Variants in BTBD16 observed in about 807,000 individuals in gnomAD.
BTBD16 encodes BTB/POZ domain-containing protein 16.
A neutral mutation model predicts 67.4 loss-of-function variants in BTBD16; 66 were observed. The ratio of observed to expected loss-of-function variants is 0.98; its 90% confidence interval spans 0.80 to 1.20. The LOEUF is 1.20. Among genes scored for constraint, BTBD16 ranks in the 50% most tolerant of loss-of-function variants. The pLI, the probability that BTBD16 is intolerant of heterozygous loss-of-function variation, is 0.00. For synonymous variants in BTBD16, 242 were observed against 236.4 expected, an observed-to-expected ratio of 1.02 and a Z score of -0.22; for missense variants, 634 against 616.0, an observed-to-expected ratio of 1.03 and a Z score of -0.31.
Position 122,299,029 on chromosome 10 carries a change from G to C in BTBD16, c.686G>C (p.Gly229Ala). 1 of 1,613,994 alleles carries C rather than the reference G, an allele frequency of 6.2e-7. No individual in the cohort carries two copies. Among genetic ancestry groups the C allele is most frequent in the Non-Finnish European group, 8.5e-7 (1 of 1,180,000 alleles). ...TACAAGGAAGAGCAGCTCACCACCG[G>C]CTGCGAGAAGTGGCTGGAAATGAAC... is the stretch of plus-strand genomic sequence containing the variant. ...CKYKEEQLTT[G>A]CEKWLEMNLV... Residue 229 changes from glycine to alanine, a missense_variant, in exon 9 of 16, where the codon GGC becomes GCC. Gly to Ala is a moderately conservative substitution (Grantham distance 60, BLOSUM62 0). Coordinates refer to ENST00000260723, the MANE Select transcript of BTBD16 (RefSeq NM_144587.5).
chr10:122,298,846 A>G (rs2096388432), intron 8 of BTBD16, 158 bp from the exon 9 acceptor site: 1 of 489,284 alleles, frequency 2.0e-6, no homozygotes, highest in African/African-American at 2.1e-5. Flanking sequence ...GAAAACACTT[A>G]GAAAAGGTAT....
At position 122,335,230 on chromosome 10, in the gene BTBD16, T is replaced by C. The variant is rs144538712; in HGVS notation, c.1263+251T>C. ...CGTCTTTGTGTTCATATGGACTCTA[T>C]TGGTAAAGTCAGGATTAGATTCTAG... On this transcript the variant is annotated intron_variant, in intron 14 of 15. Coordinates refer to ENST00000260723, the MANE Select transcript of BTBD16 (RefSeq NM_144587.5). Among the ~76,000 whole-genome samples, 419 of 152,344 alleles carry C rather than the reference T, an allele frequency of 2.8e-3. 1 individual carries two copies. Among genetic ancestry groups the C allele is most frequent in the African/African-American group, 9.8e-3 (408 of 41,586 alleles).
intron 14 of BTBD16, among the ~76,000 whole-genome samples, chr10:122,335,698 T>C (rs967659333): frequency 1.3e-5 from 2 of 152,218 alleles, no homozygotes; most frequent in African/African-American, 4.8e-5. Context: ...ATGAGGATGA[T>C]GATGTTGACG....
intron 10 of BTBD16, among the ~76,000 whole-genome samples, chr10:122,319,611 T>G (rs1388089821): frequency 6.6e-6 from 1 of 152,188 alleles, no homozygotes; most frequent in South Asian, 2.1e-4. Context: ...TTATCTTGAT[T>G]AGATAATTCA....
rs2096379196 is a variant in BTBD16 at position 122,294,271 on chromosome 10, T to C, written c.590+3077T>C. On this transcript the variant is annotated intron_variant, in intron 7 of 15. Transcript: ENST00000260723. ...GTGTAACGGAAGTGCCCCAGGTCACTCTGATAGCATCACAACGTTCAGGTG... is the reference window on the plus strand; with the variant it reads ...GTGTAACGGAAGTGCCCCAGGTCACCCTGATAGCATCACAACGTTCAGGTG... The C allele has an allele frequency of 3.2e-6, 3 of 936,006 alleles. No individual in the cohort carries two copies. The African/African-American group carries it at 5.3e-5, about 17-fold the overall frequency. 58.0% of individuals were successfully genotyped at this position (936,006 alleles called of 1,614,324 possible). A position where few individuals can be genotyped will look rare whatever the true frequency, so the allele number is the denominator to read the frequency against.
intron 10 of BTBD16, among the ~76,000 whole-genome samples, chr10:122,328,482 A>C (rs939996138): frequency 1.3e-5 from 2 of 152,224 alleles, no homozygotes; most frequent in African/African-American, 4.8e-5. Flanking sequence ...GGGCGGTCCC[A>C]GGAATTCCCA....
At chr10:122,334,854 C>A in intron 13 of BTBD16, 27 bp from the exon 14 acceptor site, 1 of 1,398,318 alleles carries the variant, frequency 7.2e-7, no homozygotes, top group Non-Finnish European at 1.0e-6. Flanking sequence ...CCCCCCTTCA[C>A]TTTGTTGTTT....
intron 9 of BTBD16, among the ~76,000 whole-genome samples, chr10:122,304,935 C>T (rs534293749): frequency 2.0e-5 from 3 of 152,268 alleles, no homozygotes; most frequent in African/African-American, 7.2e-5. Flanking sequence ...GGAGCTAGGA[C>T]CTGACCCTGC....
In BTBD16 at chr10:122,307,318, C is replaced by G. The variant is rs546224707; in HGVS notation, c.911+10C>G. ...TGACATTTTTTAAGAGGTAATATAA[C>G]TTAGTGTTGATTGATGAAATACACA... On this transcript the variant is annotated intron_variant, in intron 10 of 15. Coordinates refer to ENST00000260723, the MANE Select transcript of BTBD16 (RefSeq NM_144587.5). The G allele has an allele frequency of 1.3e-6, 2 of 1,593,892 alleles. No individual in the cohort carries two copies. Among genetic ancestry groups the G allele is most frequent in the Non-Finnish European group, 1.7e-6 (2 of 1,172,732 alleles).
intron 8 of BTBD16, among the ~76,000 whole-genome samples, 154 bp downstream of exon 8, chr10:122,297,991 T>TG (rs982806815): frequency 2.2e-4 from 30 of 134,178 alleles, no homozygotes; most frequent in Admixed American, 1.3e-3. Flanking sequence ...CATTTGTGTG[T>TG]TTTTTTTTTT....
At chr10:122,324,300 C>G (rs1031180715) in intron 10 of BTBD16, among the ~76,000 whole-genome samples, 4 of 152,174 alleles carry the variant, frequency 2.6e-5, no homozygotes, top group Admixed American at 6.5e-5. Flanking sequence ...CCATTCCCCC[C>G]ACATACTATT....
At chr10:122,332,623 G>A (rs2096457054) in intron 13 of BTBD16, 110 bp downstream of exon 13, 4 of 1,204,724 alleles carry the variant, frequency 3.3e-6, no homozygotes, top group African/African-American at 1.5e-5. Context: ...GAAGGTCAGG[G>A]GTCCAGAAGA....
intron 10 of BTBD16, among the ~76,000 whole-genome samples, chr10:122,321,808 C>T (rs2096435912): frequency 6.6e-6 from 1 of 151,996 alleles, no homozygotes; most frequent in African/African-American, 2.4e-5. Flanking sequence ...GTTTCTTTTG[C>T]TGGGCAGAAG....
At chr10:122,312,959 C>T (rs558434444) in intron 10 of BTBD16, among the ~76,000 whole-genome samples, 2 of 152,350 alleles carry the variant, frequency 1.3e-5, no homozygotes, top group South Asian at 4.1e-4. Flanking sequence ...TCACTGCAAA[C>T]TCTGCCTCTC....
intron 12 of BTBD16, 24 bp from the exon 13 acceptor site, chr10:122,332,412 C>T (rs1223637451): frequency 1.9e-6 from 3 of 1,612,340 alleles, no homozygotes; most frequent in East Asian, 4.5e-5. Context: ...CCACCGTGGT[C>T]AGCTGTGTGC....
intron 10 of BTBD16, among the ~76,000 whole-genome samples, chr10:122,316,136 G>A (rs1163193136): frequency 1.3e-5 from 2 of 152,090 alleles, no homozygotes; most frequent in Non-Finnish European, 2.9e-5. Context: ...GCATGGTGGT[G>A]CACGTCTGTA....
rs190891142 is a variant in BTBD16 at position 122,283,712 on chromosome 10, A to G, written c.168-139A>G. The G allele has an allele frequency of 6.1e-4, 407 of 662,604 alleles. 4 individuals are homozygous for G. In the Middle Eastern group the frequency reaches 8.3e-3, roughly 13 times the overall value. The allele number at this position is 662,604 out of a possible 1,614,324, so 41.0% of individuals were successfully genotyped here. On this transcript the variant is annotated intron_variant, in intron 3 of 15. Coordinates refer to ENST00000260723, the MANE Select transcript of BTBD16 (RefSeq NM_144587.5). Reference sequence around the variant, plus strand: ...CAGATCGGCAAATGGTGACCTGAGGAAACTCTTCCAAAGGGCGAGATATGA... The same window carrying G: ...CAGATCGGCAAATGGTGACCTGAGGGAACTCTTCCAAAGGGCGAGATATGA...
At chr10:122,310,033 A>G (rs562237274) in intron 10 of BTBD16, among the ~76,000 whole-genome samples, 27 of 152,244 alleles carry the variant, frequency 1.8e-4, no homozygotes, top group Admixed American at 7.8e-4. Context: ...CGGCCTCCCA[A>G]AGCACTGGGA....
rs2096363441 is a variant in BTBD16 at position 122,286,187 on chromosome 10, C to A, written c.324C>A (p.Tyr108Ter). ...LFQSETLAKL[Y>*]LKALAQGTTH... ...AGTCTGAGACCTTGGCCAAGCTCTA[C>A]CTGAAAGCCCTGGCGCAGGGCACCA... Residue 108 changes from tyrosine (Y) to a stop codon, truncating the protein, a stop_gained, in exon 5 of 16, where the codon TAC becomes TAA. Coordinates refer to ENST00000260723, the MANE Select transcript of BTBD16 (RefSeq NM_144587.5). LOFTEE classifies it high-confidence loss of function. The A allele has an allele frequency of 6.2e-7, 1 of 1,613,848 alleles. No homozygotes were observed. The highest frequency in any genetic ancestry group is 1.3e-5 in the African/African-American group (1 of 74,908).
Sources: gnomAD v4.1 joint callset for allele counts (sites outside exome capture counted in the v4.1 genomes callset) on GRCh38, gnomAD v4.1.1 for gene constraint, MANE v1.5 for transcripts, NCBI Gene and HGNC (gene_info 2026-07-23, HGNC 2026-07-21) for gene names.